SLC1A2: variants seen among roughly 807,000 people sequenced by gnomAD.
SLC1A2 encodes solute carrier family 1 member 2.
A neutral mutation model predicts 48.8 loss-of-function variants in SLC1A2; 15 were observed. The ratio of observed to expected loss-of-function variants is 0.31; its 90% CI spans 0.21 to 0.47. The LOEUF (loss-of-function observed/expected upper bound fraction) is 0.47, where lower values mean the gene tolerates loss of function less well. Ranked by LOEUF, SLC1A2 falls within the 20% of genes least tolerant of loss-of-function variation. The probability of loss-of-function intolerance (pLI) is 0.99; values close to 1 mark genes in which losing one functional copy is unlikely to be tolerated. For missense variants in SLC1A2, 502 were observed against 730.5 expected (o/e 0.69, Z 3.61); for synonymous variants, 279 against 272.6 (o/e 1.02, Z -0.23).
intron 1 of SLC1A2, among the ~76,000 whole-genome samples, chr11:35,385,432 A>G (rs1854556058): frequency 6.6e-6 from 1 of 152,250 alleles, no homozygotes; most frequent in African/African-American, 2.4e-5. Flanking sequence ...TCACACAGCT[A>G]GTCTGTCTAT....
chr11:35,402,927 T>C (rs749306960), intron 1 of SLC1A2, among the ~76,000 whole-genome samples: 7 of 152,244 alleles, frequency 4.6e-5, no homozygotes, highest in Non-Finnish European at 8.8e-5. Context: ...CAGGGCCTAC[T>C]TTCTAATCTT....
chr11:35,296,805 C>A (rs778148476), intron 6 of SLC1A2, among the ~76,000 whole-genome samples: 5 of 152,180 alleles, frequency 3.3e-5, no homozygotes, highest in Non-Finnish European at 5.9e-5. Context: ...TGGGCCATCA[C>A]TTCTACCCCC....
intron 1 of SLC1A2, among the ~76,000 whole-genome samples, chr11:35,359,714 G>C (rs1853607610): frequency 6.6e-6 from 1 of 152,200 alleles, no homozygotes; most frequent in South Asian, 2.1e-4. Context: ...CTGGCATGCA[G>C]AGACCTGTGC....
intron 1 of SLC1A2, among the ~76,000 whole-genome samples, chr11:35,324,602 TCTC>T (rs1344597506): frequency 6.6e-6 from 1 of 152,114 alleles, no homozygotes; most frequent in East Asian, 1.9e-4. Context: ...TTTTAGTAAA[TCTC>T]CTTGCCAATA....
chr11:35,354,857 C>T (rs1853398850), intron 1 of SLC1A2, among the ~76,000 whole-genome samples: 2 of 152,198 alleles, frequency 1.3e-5, no homozygotes, highest in Non-Finnish European at 2.9e-5. Context: ...AGAAGCCTGG[C>T]CTAGCCCCAA....
intron 1 of SLC1A2, among the ~76,000 whole-genome samples, chr11:35,409,298 A>G (rs2049838947): frequency 6.6e-6 from 1 of 152,204 alleles, no homozygotes; most frequent in Non-Finnish European, 1.5e-5. Context: ...TACCTAATTC[A>G]TTGTTCACTT....
At chr11:35,414,323 C>T (rs1050388479) in intron 1 of SLC1A2, among the ~76,000 whole-genome samples, 35 of 152,222 alleles carry the variant, frequency 2.3e-4, no homozygotes, top group Middle Eastern at 3.4e-3. Flanking sequence ...TTTAATACTG[C>T]GGGCCCATTG....
At chr11:35,401,330 T>C (rs1236774851) in intron 1 of SLC1A2, among the ~76,000 whole-genome samples, 2 of 152,252 alleles carry the variant, frequency 1.3e-5, no homozygotes, top group Non-Finnish European at 2.9e-5. Flanking sequence ...GCAGGGCATT[T>C]CAAAATATGT....
chr11:35,401,521 C>G (rs1855139607), intron 1 of SLC1A2, among the ~76,000 whole-genome samples: 1 of 152,166 alleles, frequency 6.6e-6, no homozygotes, highest in African/African-American at 2.4e-5. Context: ...TGTTCAACCA[C>G]CCATCCTCAT....
Position 35,317,532 on chromosome 11 carries a change from A to G in SLC1A2, c.18-16T>C, listed in dbSNP as rs1211780991. On this transcript the variant is annotated splice_polypyrimidine_tract_variant and intron_variant, in intron 1 of 10. Coordinates refer to ENST00000278379, the MANE Select transcript of SLC1A2 (RefSeq NM_004171.4). ...ATTGTTGGCACTGGAACAGAAGTGA[A>G]GGCAGAGATTAGAGAGACTGGCACC... The G allele has an allele frequency of 1.2e-6, 2 of 1,610,732 alleles. No homozygotes were observed. Among genetic ancestry groups the G allele is most frequent in the Non-Finnish European group, 1.7e-6 (2 of 1,179,056 alleles).
In SLC1A2 at chr11:35,316,652, C is replaced by T. The variant is rs1252610039; in HGVS notation, c.157+725G>A. 2.6e-5 allele frequency: 4 copies of T among 152,212 alleles called. No homozygotes were observed. In the East Asian group the frequency reaches 5.8e-4, roughly 22 times the overall value. The allele number at this position is 152,212 out of a possible 1,614,324, so 9.4% of individuals were successfully genotyped here. On this transcript the variant is annotated intron_variant, in intron 2 of 10. Coordinates refer to ENST00000278379, the MANE Select transcript of SLC1A2 (RefSeq NM_004171.4). ...AGTTGTTCACTGCTTCTCTGTGAAA[C>T]CTAAGTGAGAGCTGCAGAACAAGGG...
chr11:35,352,979 A>T (rs556857101), intron 1 of SLC1A2, among the ~76,000 whole-genome samples: 80 of 152,336 alleles, frequency 5.3e-4, no homozygotes, highest in Non-Finnish European at 1.1e-3. Context: ...TGACAATAAT[A>T]GCAATAATCA....
intron 1 of SLC1A2, among the ~76,000 whole-genome samples, chr11:35,379,363 T>A (rs1375863702): frequency 6.6e-6 from 1 of 152,266 alleles, no homozygotes; most frequent in African/African-American, 2.4e-5. Context: ...TTCACAAAAC[T>A]ATTGCAAATC....
intron 1 of SLC1A2, among the ~76,000 whole-genome samples, chr11:35,360,855 C>T (rs180938177): frequency 1.6e-4 from 24 of 152,062 alleles, no homozygotes; most frequent in South Asian, 1.2e-3. Flanking sequence ...AATGTTCCTG[C>T]ATTTATTTTG....
chr11:35,353,186 A>C (rs145440570), intron 1 of SLC1A2, among the ~76,000 whole-genome samples: 1 of 152,190 alleles, frequency 6.6e-6, no homozygotes, highest in Non-Finnish European at 1.5e-5. Context: ...GTGACTTAGA[A>C]TGGAGTGAAT....
At chr11:35,323,741 C>T (rs779224248) in intron 1 of SLC1A2, among the ~76,000 whole-genome samples, 1 of 152,260 alleles carries the variant, frequency 6.6e-6, no homozygotes, top group Non-Finnish European at 1.5e-5. Context: ...AAACCAACAG[C>T]AACAATAACA....
At chr11:35,342,766 C>T (rs1033903791) in intron 1 of SLC1A2, among the ~76,000 whole-genome samples, 4 of 150,894 alleles carry the variant, frequency 2.7e-5, no homozygotes, top group South Asian at 2.1e-4. Context: ...AGCCTGGGCG[C>T]GACAGAGTGA....
chr11:35,305,834 C>T (rs1851483809), intron 5 of SLC1A2, among the ~76,000 whole-genome samples: 1 of 152,186 alleles, frequency 6.6e-6, no homozygotes. Flanking sequence ...TGACGGTGAG[C>T]TCCCTCCTTT....
chr11:35,323,800 T>C (rs892500129), intron 1 of SLC1A2, among the ~76,000 whole-genome samples: 1 of 152,220 alleles, frequency 6.6e-6, no homozygotes, highest in Non-Finnish European at 1.5e-5. Flanking sequence ...GTCCTATCTG[T>C]TACGGAAGCA....
Sources: allele counts gnomAD v4.1 joint callset (sites outside exome capture counted in the v4.1 genomes callset), GRCh38; gene constraint gnomAD v4.1.1; transcripts MANE v1.5; gene names NCBI Gene and HGNC (gene_info 2026-07-23, HGNC 2026-07-21).